The following RNF216 variants were observed in gnomAD, a reference collection of about 807,000 sequenced individuals.
RNF216 encodes the protein E3 ubiquitin-protein ligase RNF216.
A neutral mutation model predicts 110.8 loss-of-function variants in RNF216; 72 were observed. The observed-to-expected ratio is 0.65, with a 90% CI of 0.54 to 0.79. The LOEUF (loss-of-function observed/expected upper bound fraction) is 0.79, where lower values mean the gene tolerates loss of function less well. Among genes scored for constraint, RNF216 ranks in the 30% least tolerant of loss-of-function variants. RNF216 has a pLI of 0.00. For missense variants in RNF216, 1,342 were observed against 1,141.2 expected (o/e 1.18, Z -2.54); for synonymous variants, 495 against 407.5 (o/e 1.21, Z -2.59).
At chr7:5,642,892 C>T (rs852468) in intron 14 of RNF216, among the ~76,000 whole-genome samples, 27,138 of 152,090 alleles carry the variant, frequency 0.18, 4,175 homozygotes, top group African/African-American at 0.42. Context: ...GGCTGAGGTG[C>T]GGCTTTAAGG....
At chr7:5,662,478 T>A (rs759219235) in intron 13 of RNF216, 1 of 152,186 alleles carries the variant, frequency 6.6e-6, no homozygotes, top group Non-Finnish European at 1.5e-5. Flanking sequence ...GATTTGGTAA[T>A]GGCATTGCTT....
intron 13 of RNF216, among the ~76,000 whole-genome samples, chr7:5,674,701 T>C (rs990237960): frequency 1.3e-5 from 2 of 152,108 alleles, no homozygotes; most frequent in African/African-American, 4.8e-5. Context: ...GAGGTGACAC[T>C]CACTCATTTA....
chr7:5,714,059 G>A (rs1360529354), intron 11 of RNF216, among the ~76,000 whole-genome samples: 1 of 152,050 alleles, frequency 6.6e-6, no homozygotes, highest in African/African-American at 2.4e-5. Context: ...CTGGAGTGCA[G>A]TGGTGCGATC....
At chr7:5,702,538 G>C (rs1792035514) in intron 13 of RNF216, among the ~76,000 whole-genome samples, 1 of 152,274 alleles carries the variant, frequency 6.6e-6, no homozygotes, top group Non-Finnish European at 1.5e-5. Context: ...GGTGGGAAGG[G>C]AGGCAAGCAA....
At chr7:5,737,890 C>A (rs1794519085) in intron 5 of RNF216, among the ~76,000 whole-genome samples, 1 of 151,950 alleles carries the variant, frequency 6.6e-6, no homozygotes, top group Admixed American at 6.6e-5. Flanking sequence ...GGTTTCAAGA[C>A]CAGCCTGACC....
chr7:5,776,620 TA>T (rs917557507), intron 1 of RNF216, among the ~76,000 whole-genome samples: 17 of 122,686 alleles, frequency 1.4e-4, no homozygotes, highest in Non-Finnish European at 2.7e-4. Context: ...AAAAAGACTA[TA>T]GGGGAAGGGC....
chr7:5,645,734 G>A (rs1012761065), intron 14 of RNF216, among the ~76,000 whole-genome samples: 3 of 152,090 alleles, frequency 2.0e-5, no homozygotes, highest in Admixed American at 6.6e-5. Context: ...GGGACTACAG[G>A]CGCCCGCCAC....
chr7:5,743,853 C>A (rs772655188), intron 3 of RNF216, among the ~76,000 whole-genome samples: 4 of 152,142 alleles, frequency 2.6e-5, no homozygotes, highest in African/African-American at 9.7e-5. Flanking sequence ...GGAACTGAAT[C>A]GCAGCGTGGA....
chr7:5,748,797 A>G (rs1795180170), intron 3 of RNF216, among the ~76,000 whole-genome samples: 1 of 152,224 alleles, frequency 6.6e-6, no homozygotes, highest in Non-Finnish European at 1.5e-5. Context: ...TTGGGGAGTC[A>G]AAAGTTATAT....
chr7:5,659,000 G>A (rs1487326636), intron 13 of RNF216, among the ~76,000 whole-genome samples: 1 of 152,160 alleles, frequency 6.6e-6, no homozygotes, highest in Non-Finnish European at 1.5e-5. Context: ...AGATGGTTGA[G>A]AAGCAACTGG....
At chr7:5,771,962 G>A (rs557252413) in intron 1 of RNF216, among the ~76,000 whole-genome samples, 1 of 151,298 alleles carries the variant, frequency 6.6e-6, no homozygotes, top group African/African-American at 2.4e-5. Flanking sequence ...GGCCGGGCGT[G>A]GTGGCTCACG....
intron 8 of RNF216, among the ~76,000 whole-genome samples, chr7:5,722,519 T>C (rs1194882091): frequency 1.3e-5 from 2 of 151,348 alleles, no homozygotes; most frequent in Non-Finnish European, 2.9e-5. Context: ...GCCTCCCGAG[T>C]AGCTGGGACT....
intron 13 of RNF216, among the ~76,000 whole-genome samples, chr7:5,653,365 C>T (rs1788515522): frequency 1.3e-5 from 2 of 151,774 alleles, no homozygotes; most frequent in South Asian, 4.1e-4. Context: ...CCGAGGTGGG[C>T]GGATCACGAG....
At chr7:5,778,515 G>A (rs1488199698) in intron 1 of RNF216, among the ~76,000 whole-genome samples, 3 of 152,140 alleles carry the variant, frequency 2.0e-5, no homozygotes, top group African/African-American at 4.8e-5. Context: ...TAAGTTCCAA[G>A]AAGGCAGAAC....
rs568107111 is a variant in RNF216, at chr7:5,731,660, G to A, written c.1122-843C>T. ...CAGTAGCAAGGAAGCTTCTTTGCTC[G>A]GAGGGTAATGGGGACTTCCCCTTTT... On this transcript the variant is annotated intron_variant, in intron 5 of 16. Transcript: ENST00000389902. 1.2e-4 allele frequency among the ~76,000 whole-genome samples: 18 copies of A among 151,464 alleles called. No homozygotes were observed. In the East Asian group the frequency reaches 2.1e-3, roughly 18 times the overall value.
chr7:5,644,394 C>G (rs1187973706), intron 14 of RNF216, among the ~76,000 whole-genome samples: 3 of 152,130 alleles, frequency 2.0e-5, no homozygotes, highest in African/African-American at 7.2e-5. Flanking sequence ...GAAGCGGTAT[C>G]TTATTATAGT....
intron 1 of RNF216, among the ~76,000 whole-genome samples, chr7:5,768,237 G>A (rs536254399): frequency 6.0e-5 from 9 of 150,882 alleles, no homozygotes; most frequent in Middle Eastern, 3.4e-3. Flanking sequence ...GATCACTTGA[G>A]CCCAGGAGTT....
intron 13 of RNF216, among the ~76,000 whole-genome samples, chr7:5,664,074 A>G (rs73338095): frequency 0.065 from 9,881 of 152,176 alleles, 1,073 homozygotes; most frequent in African/African-American, 0.23. Flanking sequence ...GCCTAGCACT[A>G]GATTTGAGCG....
intron 11 of RNF216, among the ~76,000 whole-genome samples, chr7:5,713,645 C>T (rs1562420339): frequency 6.6e-6 from 1 of 152,216 alleles, no homozygotes; most frequent in African/African-American, 2.4e-5. Flanking sequence ...ATAAGCCCCA[C>T]TACTCACACA....
Sources: allele counts gnomAD v4.1 joint callset (sites outside exome capture counted in the v4.1 genomes callset), GRCh38; gene constraint gnomAD v4.1.1; transcripts MANE v1.5; gene names NCBI Gene and HGNC (gene_info 2026-07-23, HGNC 2026-07-21).